SYNE1: variants seen among roughly 807,000 people sequenced by gnomAD.
SYNE1 encodes the protein spectrin repeat containing nuclear envelope protein 1, also known as nesprin-1.
Under a neutral mutation model 1,111.0 loss-of-function variants are expected in SYNE1, and 616 were observed. The ratio of observed to expected loss-of-function variants is 0.55; its 90% CI spans 0.52 to 0.59. The LOEUF (loss-of-function observed/expected upper bound fraction) is 0.59, where lower values mean the gene tolerates loss of function less well. Among genes scored for constraint, SYNE1 ranks in the 20% least tolerant of loss-of-function variants. The pLI is 0.00. For synonymous variants in SYNE1, 3,855 were observed against 3,825.8 expected, an observed-to-expected ratio of 1.01 and a Z score of -0.28; for missense variants, 10,006 against 10,417.0, an observed-to-expected ratio of 0.96 and a Z score of 1.72.
chr6:152,292,002 A>G (rs985348954), intron 95 of SYNE1, among the ~76,000 whole-genome samples: 3 of 152,182 alleles, frequency 2.0e-5, no homozygotes, highest in Admixed American at 6.5e-5. Flanking sequence ...AGTACAGTGA[A>G]GCAGAGGTGC....
intron 66 of SYNE1, among the ~76,000 whole-genome samples, chr6:152,356,146 CT>C (rs1451514892): frequency 6.6e-6 from 1 of 151,680 alleles, no homozygotes; most frequent in Non-Finnish European, 1.5e-5. Flanking sequence ...TAATTTGGAT[CT>C]TGTGGGCCAT....
At chr6:152,539,412 G>T (rs892029167) in intron 4 of SYNE1, among the ~76,000 whole-genome samples, 13 of 152,218 alleles carry the variant, frequency 8.5e-5, no homozygotes, top group Admixed American at 4.6e-4. Context: ...TATGTTCAAA[G>T]ACATTATAAT....
chr6:152,605,011 AGAGAGAG>A (rs2099609240), intron 3 of SYNE1, among the ~76,000 whole-genome samples: 8 of 42,978 alleles, frequency 1.9e-4, no homozygotes, highest in African/African-American at 8.9e-4. Flanking sequence ...AAAGAAAGAG[AGAGAGAG>A]AGAGAGAGAG....
intron 72 of SYNE1, among the ~76,000 whole-genome samples, chr6:152,348,272 C>T (rs1046838665): frequency 6.6e-6 from 1 of 152,206 alleles, no homozygotes; most frequent in African/African-American, 2.4e-5. Context: ...CAAGGTATGG[C>T]ACAGCCCCCA....
chr6:152,538,924 T>G (rs1044192394), intron 4 of SYNE1, among the ~76,000 whole-genome samples: 3 of 152,112 alleles, frequency 2.0e-5, no homozygotes, highest in African/African-American at 7.2e-5. Context: ...GGGAAAGTGT[T>G]TTACTAATTT....
intron 62 of SYNE1, 51 bp downstream of exon 62, chr6:152,367,167 G>A: frequency 1.2e-6 from 2 of 1,612,686 alleles, no homozygotes; most frequent in Non-Finnish European, 1.7e-6. Flanking sequence ...GGGAAATTTT[G>A]AGAAAAACAA....
At chr6:152,228,793 A>G (rs1371076445) in intron 115 of SYNE1, among the ~76,000 whole-genome samples, 1 of 152,162 alleles carries the variant, frequency 6.6e-6, no homozygotes. Flanking sequence ...TTACTTGTAG[A>G]TTTTTGAATT....
intron 3 of SYNE1, among the ~76,000 whole-genome samples, chr6:152,555,568 A>G (rs529421103): frequency 3.9e-4 from 60 of 152,334 alleles, no homozygotes; most frequent in Middle Eastern, 3.4e-3. Flanking sequence ...CTCAGAATGT[A>G]TCTTCATTGT....
At position 152,330,097 on chromosome 6, in the gene SYNE1, C is replaced by T. The variant is rs1258652613; in HGVS notation, c.14588G>A (p.Gly4863Glu). ...GGCAGAAGTCAACAGTTTTAACTCCCCTTGCCAGGACTGGATCTGATGCCT... is the reference window on the plus strand; with the variant it reads ...GGCAGAAGTCAACAGTTTTAACTCCTCTTGCCAGGACTGGATCTGATGCCT... ...KARHQIQSWQ[G>E]ELKLLTSAIG... Residue 4863 changes from glycine (G) to glutamate (E), a missense_variant, in exon 78 of 146, where the codon GGG becomes GAG. Gly to Glu is a moderately conservative substitution (Grantham distance 98). Coordinates refer to ENST00000367255, the MANE Select transcript of SYNE1 (RefSeq NM_182961.4). 1.9e-6 allele frequency: 3 copies of T among 1,614,158 alleles called. No individual in the cohort carries two copies. Among genetic ancestry groups the T allele is most frequent in the Non-Finnish European group, 1.7e-6 (2 of 1,180,018 alleles).
chr6:152,556,608 C>T (rs2099365912), intron 3 of SYNE1, among the ~76,000 whole-genome samples: 4 of 152,150 alleles, frequency 2.6e-5, no homozygotes, highest in Admixed American at 2.6e-4. Flanking sequence ...TCTCCAGGCC[C>T]ACCACAATGG....
At chr6:152,343,665 G>A (rs1306595213) in intron 74 of SYNE1, among the ~76,000 whole-genome samples, 5 of 151,732 alleles carry the variant, frequency 3.3e-5, no homozygotes, top group East Asian at 3.9e-4. Flanking sequence ...AGCCTCAGGC[G>A]GGTAGGTACC....
rs575217169 is a variant in SYNE1 at position 152,406,066 on chromosome 6, C to T, written c.6723+948G>A. 3.3e-5 allele frequency among the ~76,000 whole-genome samples: 5 copies of T among 152,060 alleles called. No individual in the cohort carries two copies. The South Asian group carries it at 1.0e-3, about 32-fold the overall frequency. The stretch of plus-strand genomic sequence containing the variant: ...TGTTTTTCCATTATATTTTCAATGT[C>T]TAAAACAGTGCCTGACATATCTTAG... On this transcript the variant is annotated intron_variant, in intron 45 of 145. Coordinates refer to ENST00000367255, the MANE Select transcript of SYNE1 (RefSeq NM_182961.4).
intron 3 of SYNE1, among the ~76,000 whole-genome samples, chr6:152,586,477 T>C (rs2099539377): frequency 6.6e-6 from 1 of 152,202 alleles, no homozygotes; most frequent in African/African-American, 2.4e-5. Context: ...AATTCCTTTA[T>C]GTCTTCCAGT....
At chr6:152,242,957 C>T (rs1471746212) in intron 106 of SYNE1, among the ~76,000 whole-genome samples, 2 of 151,400 alleles carry the variant, frequency 1.3e-5, no homozygotes, top group Non-Finnish European at 2.9e-5. Context: ...AGATTGATTA[C>T]AAAATAAAAA....
At chr6:152,211,888 T>C (rs1179178373) in intron 123 of SYNE1, among the ~76,000 whole-genome samples, 1 of 152,180 alleles carries the variant, frequency 6.6e-6, no homozygotes, top group African/African-American at 2.4e-5. Flanking sequence ...CAATTTGTTT[T>C]CTGGTTTATT....
At chr6:152,432,508 T>A (rs169977) in intron 34 of SYNE1, among the ~76,000 whole-genome samples, 1 of 151,962 alleles carries the variant, frequency 6.6e-6, no homozygotes, top group East Asian at 1.9e-4. Context: ...GTATTTCTAG[T>A]CTGATAAAAT....
At chr6:152,536,397 T>G (rs1310552494) in intron 4 of SYNE1, among the ~76,000 whole-genome samples, 1 of 117,082 alleles carries the variant, frequency 8.5e-6, no homozygotes, top group African/African-American at 3.0e-5. Flanking sequence ...TATTTATATA[T>G]ATACTATATA....
intron 66 of SYNE1, among the ~76,000 whole-genome samples, chr6:152,356,156 A>G (rs1253653258): frequency 6.6e-6 from 1 of 152,068 alleles, no homozygotes; most frequent in Non-Finnish European, 1.5e-5. Flanking sequence ...CTTGTGGGCC[A>G]TAGGTCTCTG....
At chr6:152,548,101 C>A (rs1286376542) in intron 3 of SYNE1, among the ~76,000 whole-genome samples, 1 of 152,210 alleles carries the variant, frequency 6.6e-6, no homozygotes. Flanking sequence ...GACAAACCAG[C>A]TTCTAAGAAT....
Sources: allele counts gnomAD v4.1 joint callset (sites outside exome capture counted in the v4.1 genomes callset), GRCh38; gene constraint gnomAD v4.1.1; transcripts MANE v1.5; gene names NCBI Gene and HGNC (gene_info 2026-07-23, HGNC 2026-07-21).